The following DCP1B variants were observed in gnomAD, a reference collection of about 807,000 sequenced individuals.
The protein encoded by DCP1B is decapping mRNA 1B.
DCP1B carries 47 observed loss-of-function variants against 60.5 expected under a neutral mutation model. The ratio of observed to expected loss-of-function variants is 0.78; its 90% CI spans 0.61 to 0.99. The LOEUF is 0.99. Ranked by LOEUF, DCP1B falls within the 50% of genes least tolerant of loss-of-function variation. DCP1B has a pLI of 0.00. For synonymous variants in DCP1B, 267 were observed against 280.3 expected (o/e 0.95, Z 0.47); for missense variants, 725 against 756.8 (o/e 0.96, Z 0.49).
chr12:1,957,337 C>T (rs1364868585), intron 5 of DCP1B, among the ~76,000 whole-genome samples: 2 of 152,172 alleles, frequency 1.3e-5, no homozygotes, highest in African/African-American at 2.4e-5. Flanking sequence ...TTTAATCACA[C>T]ACAAACACAT....
At chr12:2,004,259 T>A (rs1593490527) in intron 1 of DCP1B, 23 bp downstream of exon 1, 1 of 1,612,380 alleles carries the variant, frequency 6.2e-7, no homozygotes, top group East Asian at 2.2e-5. Flanking sequence ...TGGGCTGCAC[T>A]GCTCCGCCGC....
chr12:1,958,136 C>T lies in DCP1B; in HGVS notation c.523-2576G>A, dbSNP rs142985170. 6.3e-4 allele frequency among the ~76,000 whole-genome samples: 94 copies of T among 149,844 alleles called. No individual in the cohort carries two copies. In the East Asian group the frequency reaches 0.016, roughly 25 times the overall value. Reference sequence around the variant, plus strand: ...ACAGGGGAAAAGCTCCCTAACGTCGCTCTGGGCAATGACTTTTTCTATAAA... The same window carrying T: ...ACAGGGGAAAAGCTCCCTAACGTCGTTCTGGGCAATGACTTTTTCTATAAA... On this transcript the variant is annotated intron_variant, in intron 5 of 8. Transcript: ENST00000280665.
chr12:1,960,374 C>T (rs144391090), intron 5 of DCP1B, among the ~76,000 whole-genome samples: 9 of 152,188 alleles, frequency 5.9e-5, no homozygotes, highest in South Asian at 4.1e-4. Context: ...TGGTAGTTGC[C>T]GGAGGCTGGG....
At chr12:1,950,244 A>T in intron 7 of DCP1B, 1 of 668,876 alleles carries the variant, frequency 1.5e-6, no homozygotes. Context: ...GTTTCTTTTA[A>T]CTTGTCCCTA....
rs1565760972 is a variant in DCP1B at position 1,952,401 on chromosome 12, C to G, written c.1524+15G>C. The stretch of plus-strand genomic sequence containing the variant: ...CTGCCCAGGCTGTTTTATTTTGCCC[C>G]TGGTACATATTTACCTGGAAAAGAG... On this transcript the variant is annotated intron_variant, in intron 7 of 8. Coordinates refer to ENST00000280665, the MANE Select transcript of DCP1B (RefSeq NM_152640.5). 1 of 1,545,876 alleles carries G rather than the reference C, an allele frequency of 6.5e-7. No homozygotes were observed. Among genetic ancestry groups the G allele is most frequent in the African/African-American group, 1.4e-5 (1 of 72,400 alleles).
chr12:1,987,647 C>T (rs780148118), intron 3 of DCP1B, among the ~76,000 whole-genome samples: 1 of 152,206 alleles, frequency 6.6e-6, no homozygotes, highest in East Asian at 1.9e-4. Context: ...CATGTATGTA[C>T]CATTTCTTGA....
Position 1,952,788 on chromosome 12 carries a change from G to C in DCP1B, c.1152C>G (p.Arg384=), listed in dbSNP as rs768491139. 1 of 1,614,208 alleles carries C rather than the reference G, an allele frequency of 6.2e-7. No homozygotes were observed. Among genetic ancestry groups the C allele is most frequent in the Non-Finnish European group, 8.5e-7 (1 of 1,180,030 alleles). The change falls in exon 7 of 9, where the codon CGC becomes CGG. Residue 384 remains arginine, a synonymous_variant. Coordinates refer to ENST00000280665, the MANE Select transcript of DCP1B (RefSeq NM_152640.5). ...PAPASSAALN[R]SRAPTSVTPV... The stretch of plus-strand genomic sequence containing the variant: ...GGGTGACAGAAGTGGGAGCTCTGCT[G>C]CGGTTCAGGGCAGCTGAGCTGGCAG...
At chr12:1,947,197 C>T (rs10505725) in intron 8 of DCP1B, among the ~76,000 whole-genome samples, 40,219 of 152,014 alleles carry the variant, frequency 0.26, 5,707 homozygotes, top group East Asian at 0.45. Context: ...GTGAGAATCA[C>T]GGTCTAATCA....
chr12:1,961,241 G>A (rs147815175), intron 5 of DCP1B: 83 of 152,352 alleles, frequency 5.4e-4, no homozygotes, highest in African/African-American at 1.9e-3. Context: ...TTTGTAGAGG[G>A]TAGTAGGGTT....
chr12:1,966,606 A>T (rs1206636888), intron 4 of DCP1B, among the ~76,000 whole-genome samples: 1 of 152,146 alleles, frequency 6.6e-6, no homozygotes, highest in Non-Finnish European at 1.5e-5. Context: ...GCTGTTAGGT[A>T]ATTACTGCAG....
intron 7 of DCP1B, chr12:1,950,378 CT>C (rs2030620915): frequency 1.4e-6 from 1 of 702,344 alleles, no homozygotes; most frequent in Non-Finnish European, 2.6e-6. Context: ...TTTGTGAGTA[CT>C]GAAAAGTCAA....
At chr12:2,001,106 G>A (rs1043564187) in intron 1 of DCP1B, among the ~76,000 whole-genome samples, 14 of 151,706 alleles carry the variant, frequency 9.2e-5, no homozygotes, top group African/African-American at 2.7e-4. Context: ...AACGTCAGGC[G>A]CTCTATGACA....
At position 1,953,299 on chromosome 12, in the gene DCP1B, T is replaced by G. The variant is rs1174746990; in HGVS notation, c.652-11A>C. 6.4e-7 allele frequency: 1 copy of G among 1,551,980 alleles called. No homozygotes were observed. Among genetic ancestry groups the G allele is most frequent in the African/African-American group, 1.4e-5 (1 of 72,838 alleles). ...TTCAGGGTCTAAGGTCTGGAAAAAATAAAGATATCTGACATGAGTCTACAA... is the reference window on the plus strand; with the variant it reads ...TTCAGGGTCTAAGGTCTGGAAAAAAGAAAGATATCTGACATGAGTCTACAA... On this transcript the variant is annotated splice_polypyrimidine_tract_variant and intron_variant, in intron 6 of 8. Transcript: ENST00000280665.
At position 1,948,244 on chromosome 12, in the gene DCP1B, G is replaced by A. The variant is rs912353495; in HGVS notation, c.1773+842C>T. ...GGGCACCTGTGCTGAATGTTCTCCCGAGGCTGGTCCCTGCCAACATTCATG... is the reference window on the plus strand; with the variant it reads ...GGGCACCTGTGCTGAATGTTCTCCCAAGGCTGGTCCCTGCCAACATTCATG... On this transcript the variant is annotated intron_variant, in intron 8 of 8. Coordinates refer to ENST00000280665, the MANE Select transcript of DCP1B (RefSeq NM_152640.5). The surrounding 1 kb of genome is among the most constrained non-coding windows in gnomAD (Gnocchi z 4.8). Among the ~76,000 whole-genome samples the A allele has an allele frequency of 2.6e-5, 4 of 152,194 alleles. No homozygotes were observed. The highest frequency in any genetic ancestry group is 4.8e-5 in the African/African-American group (2 of 41,452).
chr12:1,994,207 C>G (rs2040240597), intron 2 of DCP1B, among the ~76,000 whole-genome samples: 1 of 152,176 alleles, frequency 6.6e-6, no homozygotes. Context: ...TGCGCAACTT[C>G]CGGTGACAAA....
chr12:1,955,862 T>C (rs1565763375), intron 5 of DCP1B, among the ~76,000 whole-genome samples: 2 of 152,210 alleles, frequency 1.3e-5, no homozygotes, highest in Non-Finnish European at 2.9e-5. Context: ...ATATATTGAC[T>C]ATACGTTTAA....
At chr12:1,946,397 C>T (rs2154456218) in intron 8 of DCP1B, 111 bp from the exon 9 acceptor site, 1 of 720,744 alleles carries the variant, frequency 1.4e-6, no homozygotes. Context: ...ACTCATCTCT[C>T]CCTGTCTAAC....
chr12:1,976,026 C>G (rs2034245101), intron 3 of DCP1B, among the ~76,000 whole-genome samples: 1 of 152,082 alleles, frequency 6.6e-6, no homozygotes, highest in Admixed American at 6.6e-5. Flanking sequence ...AATACGAAAT[C>G]CAGAGATACC....
chr12:1,957,192 C>T (rs138161755), intron 5 of DCP1B, among the ~76,000 whole-genome samples: 4,144 of 152,252 alleles, frequency 0.027, 93 homozygotes, highest in Middle Eastern at 0.054. Context: ...GGGGGAAAAA[C>T]AGTTTTTGAA....
Sources: gnomAD v4.1 joint callset for allele counts (sites outside exome capture counted in the v4.1 genomes callset) on GRCh38, gnomAD v4.1.1 for gene constraint, Gnocchi (gnomAD v3.1) non-coding constraint, MANE v1.5 for transcripts, NCBI Gene and HGNC (gene_info 2026-07-23, HGNC 2026-07-21) for gene names.